The following FGF14 variants were observed in gnomAD, a reference collection of about 807,000 sequenced individuals.
FGF14 encodes fibroblast growth factor 14, also known as fibroblast growth factor homologous factor 4.
FGF14 carries 5 observed loss-of-function variants against 25.5 expected under a neutral mutation model. That is an observed-to-expected ratio of 0.20 (90% CI 0.10 to 0.41). The LOEUF (loss-of-function observed/expected upper bound fraction) is 0.41, where lower values mean the gene tolerates loss of function less well. Among genes scored for constraint, FGF14 ranks in the 10% least tolerant of loss-of-function variants. FGF14 has a pLI of 1.00. For synonymous variants in FGF14, 138 were observed against 118.3 expected, an observed-to-expected ratio of 1.17 and a Z score of -1.08; for missense variants, 222 against 320.1, an observed-to-expected ratio of 0.69 and a Z score of 2.34.
At chr13:102,261,761 A>AT (rs1381374656) in intron 1 of FGF14, among the ~76,000 whole-genome samples, 1 of 152,200 alleles carries the variant, frequency 6.6e-6, no homozygotes. Context: ...AGACAAAATG[A>AT]TTTTTCCTAT....
At chr13:102,290,830 G>A (rs888154617) in intron 1 of FGF14, among the ~76,000 whole-genome samples, 4 of 152,068 alleles carry the variant, frequency 2.6e-5, no homozygotes, top group Admixed American at 2.6e-4. Flanking sequence ...TTCACCCTAC[G>A]CAGTTGTCAC....
intron 1 of FGF14, among the ~76,000 whole-genome samples, chr13:102,259,519 C>T (rs915724935): frequency 3.3e-5 from 5 of 152,140 alleles, no homozygotes; most frequent in African/African-American, 1.2e-4. Flanking sequence ...TAGATACTCA[C>T]GTCCTCCTGT....
At chr13:101,814,250 G>T (rs572573632) in intron 3 of FGF14, among the ~76,000 whole-genome samples, 7 of 152,092 alleles carry the variant, frequency 4.6e-5, no homozygotes, top group African/African-American at 1.4e-4. Context: ...GGTGATTCAC[G>T]TGCACATTCA....
At chr13:101,950,535 TA>T (rs1316880383) in intron 1 of FGF14, among the ~76,000 whole-genome samples, 1 of 152,166 alleles carries the variant, frequency 6.6e-6, no homozygotes, top group Non-Finnish European at 1.5e-5. Flanking sequence ...AATACTCAAT[TA>T]AAATTTGCAT....
At chr13:102,089,011 T>C (rs2044052353) in intron 1 of FGF14, among the ~76,000 whole-genome samples, 1 of 152,162 alleles carries the variant, frequency 6.6e-6, no homozygotes, top group African/African-American at 2.4e-5. Context: ...TCAAATCCTT[T>C]CTGGTTCAAC....
chr13:101,874,646 C>T (rs575267314), intron 2 of FGF14, among the ~76,000 whole-genome samples: 1 of 152,164 alleles, frequency 6.6e-6, no homozygotes, highest in South Asian at 2.1e-4. Flanking sequence ...TGCAATTCTG[C>T]AAACACTTTG....
intron 1 of FGF14, among the ~76,000 whole-genome samples, chr13:102,122,618 G>T (rs575589257): frequency 6.6e-6 from 1 of 152,158 alleles, no homozygotes; most frequent in East Asian, 1.9e-4. Context: ...AAATCAAAAT[G>T]CAACTTTTTA....
intron 3 of FGF14, among the ~76,000 whole-genome samples, chr13:101,816,285 A>AAAAAAG: frequency 6.7e-6 from 1 of 150,204 alleles, no homozygotes; most frequent in African/African-American, 2.5e-5. Context: ...AAAAAAAAAA[A>AAAAAAG]TTTGGCTTAC....
At chr13:101,806,979 C>T (rs2041241383) in intron 3 of FGF14, among the ~76,000 whole-genome samples, 1 of 152,046 alleles carries the variant, frequency 6.6e-6, no homozygotes, top group South Asian at 2.1e-4. Flanking sequence ...TTATAACTTT[C>T]ACTGCGGACT....
chr13:102,266,924 T>C (rs1028629489), intron 1 of FGF14, among the ~76,000 whole-genome samples: 13 of 151,992 alleles, frequency 8.6e-5, no homozygotes, highest in African/African-American at 3.1e-4. Flanking sequence ...AGACAAAAAG[T>C]AACCAAATGG....
intron 1 of FGF14, among the ~76,000 whole-genome samples, chr13:101,893,538 T>C (rs533400568): frequency 9.2e-5 from 14 of 152,222 alleles, no homozygotes; most frequent in East Asian, 1.9e-4. Flanking sequence ...GAGATTATCC[T>C]GGATTATTTG....
At chr13:102,177,911 T>C (rs966107722) in intron 1 of FGF14, among the ~76,000 whole-genome samples, 2 of 152,146 alleles carry the variant, frequency 1.3e-5, no homozygotes, top group African/African-American at 4.8e-5. Flanking sequence ...TCAATAAGTA[T>C]ATATGAAAAT....
At chr13:102,082,915 G>A (rs902636760) in intron 1 of FGF14, among the ~76,000 whole-genome samples, 1 of 151,982 alleles carries the variant, frequency 6.6e-6, no homozygotes, top group African/African-American at 2.4e-5. Flanking sequence ...CCGAGATCCC[G>A]CCACTGCACT....
chr13:102,213,500 G>A (rs936463455), intron 1 of FGF14, among the ~76,000 whole-genome samples: 1 of 152,160 alleles, frequency 6.6e-6, no homozygotes, highest in African/African-American at 2.4e-5. Context: ...GAGTCATCAG[G>A]CGACTTTAAA....
chr13:101,882,684 T>C (rs1289992386), intron 1 of FGF14, among the ~76,000 whole-genome samples: 5 of 152,114 alleles, frequency 3.3e-5, no homozygotes, highest in Admixed American at 6.6e-5. Flanking sequence ...TCCTCCAGAG[T>C]TGAGGCTCAT....
At chr13:102,362,807 GAA>G (rs34997835) in intron 1 of FGF14, among the ~76,000 whole-genome samples, 2 of 151,064 alleles carry the variant, frequency 1.3e-5, no homozygotes, top group South Asian at 2.1e-4. Context: ...TACAAGTATA[GAA>G]AAAAAAATCA....
At chr13:102,222,036 T>C (rs2140959712) in intron 1 of FGF14, among the ~76,000 whole-genome samples, 1 of 152,288 alleles carries the variant, frequency 6.6e-6, no homozygotes, top group South Asian at 2.1e-4. Flanking sequence ...CAAAAACTGG[T>C]ACTATTATGA....
intron 1 of FGF14, among the ~76,000 whole-genome samples, chr13:102,311,935 T>C (rs1488128703): frequency 1.3e-5 from 2 of 152,232 alleles, no homozygotes; most frequent in East Asian, 3.8e-4. Context: ...TAGGGTCTCA[T>C]ATTTTCCAAC....
intron 1 of FGF14, among the ~76,000 whole-genome samples, chr13:102,137,414 T>C (rs2046459514): frequency 6.6e-6 from 1 of 152,242 alleles, no homozygotes; most frequent in African/African-American, 2.4e-5. Flanking sequence ...GTCCAGGCTG[T>C]AGATTATTCC....
Sources: gnomAD v4.1 joint callset for allele counts (sites outside exome capture counted in the v4.1 genomes callset) on GRCh38, gnomAD v4.1.1 for gene constraint, MANE v1.5 for transcripts, NCBI Gene and HGNC (gene_info 2026-07-23, HGNC 2026-07-21) for gene names.